TANC1: variants seen among roughly 807,000 people sequenced by gnomAD.
TANC1 encodes tetratricopeptide repeat, ankyrin repeat and coiled-coil containing 1, also known as protein TANC1.
In TANC1, 77 loss-of-function variants were observed where a neutral mutation model predicts 149.7. That is an observed-to-expected ratio of 0.51 (90% CI 0.43 to 0.62). TANC1 has a LOEUF of 0.62. TANC1 is among the 20% of genes least tolerant of loss of function. TANC1 has a pLI of 0.00. For synonymous variants in TANC1, 854 were observed against 925.0 expected, an observed-to-expected ratio of 0.92 and a Z score of 1.39; for missense variants, 1,985 against 2,321.8, an observed-to-expected ratio of 0.85 and a Z score of 2.98.
At chr2:159,136,172 A>G in intron 4 of TANC1, 22 bp from the exon 5 acceptor site, 1 of 1,444,358 alleles carries the variant, frequency 6.9e-7, no homozygotes, top group Non-Finnish European at 9.8e-7. Flanking sequence ...AATTAGCCAC[A>G]CTCAGATCTT....
chr2:159,230,815 G>A lies in TANC1; in HGVS notation c.5389G>A (p.Gly1797Arg), dbSNP rs1401249626. 1 of 1,614,184 alleles carries A rather than the reference G, an allele frequency of 6.2e-7. No homozygotes were observed. The highest frequency in any genetic ancestry group is 1.7e-5 in the Admixed American group (1 of 60,014). The change falls in exon 27 of 27, where the codon GGG becomes AGG. Residue 1797 changes from glycine (G) to arginine (R), a missense_variant. Gly to Arg is a moderately radical substitution (Grantham distance 125). Coordinates refer to ENST00000263635, the MANE Select transcript of TANC1 (RefSeq NM_033394.3). This position sits in a 1 kb window ranked among gnomAD's most constrained non-coding sequence, Gnocchi z 4.4. ...TACCCTGAGTGCAAGTGTCCACAAT[G>A]GGGCACAAGTGAAGGAGCTAGAAGA... ...VSTLSASVHNGAQVKELEESK... is the reference protein window; with the variant it reads ...VSTLSASVHNRAQVKELEESK...
At chr2:159,156,730 G>A (rs1441143793) in intron 7 of TANC1, among the ~76,000 whole-genome samples, 1 of 152,246 alleles carries the variant, frequency 6.6e-6, no homozygotes, top group Admixed American at 6.5e-5. Context: ...TAGACTGTGT[G>A]AGAAGCTCCA....
rs1055746307 is a variant in TANC1, at chr2:159,001,347, G to C, written c.-16+158G>C. ...CACTGGTGAGCCAGCGCCTCCAGGG[G>C]AGAGAAGCCCTGTCAAAAGCAGAGA... On this transcript the variant is annotated intron_variant, in intron 2 of 26. Transcript: ENST00000263635. The surrounding 1 kb of genome is among the most constrained non-coding windows in gnomAD (Gnocchi z 4.3). Among the ~76,000 whole-genome samples the C allele has an allele frequency of 1.3e-5, 2 of 152,176 alleles. No individual in the cohort carries two copies. The highest frequency in any genetic ancestry group is 2.9e-5 in the Non-Finnish European group (2 of 68,038).
intron 1 of TANC1, among the ~76,000 whole-genome samples, chr2:158,991,091 CAAAAA>C (rs34411224): frequency 7.1e-5 from 5 of 70,168 alleles, no homozygotes; most frequent in African/African-American, 3.0e-4. Flanking sequence ...GATCCTGTGT[CAAAAA>C]AAAAAAAAAA....
chr2:159,077,927 GA>G (rs1472477249), intron 3 of TANC1, among the ~76,000 whole-genome samples: 1 of 152,128 alleles, frequency 6.6e-6, no homozygotes, highest in Non-Finnish European at 1.5e-5. Context: ...TAATATAAGA[GA>G]ATACTTGTTT....
intron 4 of TANC1, among the ~76,000 whole-genome samples, chr2:159,104,981 CTTTT>C (rs146778655): frequency 4.5e-3 from 195 of 43,202 alleles, no homozygotes; most frequent in African/African-American, 9.8e-3. Context: ...TGGATATTTG[CTTTT>C]TTTTTTTTTT....
At chr2:159,120,254 A>G (rs1202401316) in intron 4 of TANC1, among the ~76,000 whole-genome samples, 2 of 152,178 alleles carry the variant, frequency 1.3e-5, no homozygotes, top group African/African-American at 4.8e-5. Flanking sequence ...AAGGTTCTAG[A>G]ATTCAGAGGG....
chr2:159,035,027 A>G (rs1200484178), intron 2 of TANC1, among the ~76,000 whole-genome samples: 2 of 152,222 alleles, frequency 1.3e-5, no homozygotes, highest in African/African-American at 4.8e-5. Context: ...CCATGAACAC[A>G]TACAGTAGCC....
At chr2:159,064,045 C>T (rs185336572) in intron 2 of TANC1, among the ~76,000 whole-genome samples, 203 of 152,252 alleles carry the variant, frequency 1.3e-3, no homozygotes, top group African/African-American at 4.4e-3. Flanking sequence ...CAGTATTTTT[C>T]TCTTATTTTT....
intron 2 of TANC1, among the ~76,000 whole-genome samples, chr2:159,039,249 T>C (rs895224920): frequency 2.0e-5 from 3 of 152,322 alleles, no homozygotes; most frequent in Non-Finnish European, 1.5e-5. Flanking sequence ...TCTTTATTAG[T>C]CTTGCTAGCG....
chr2:159,052,828 C>T (rs909265817), intron 2 of TANC1, among the ~76,000 whole-genome samples: 3 of 152,172 alleles, frequency 2.0e-5, no homozygotes, highest in African/African-American at 7.2e-5. Flanking sequence ...ACATTTATGC[C>T]CATCGCTGCT....
intron 2 of TANC1, chr2:159,003,888 TA>T: frequency 6.2e-7 from 1 of 1,612,696 alleles, no homozygotes; most frequent in Non-Finnish European, 8.5e-7. Flanking sequence ...CAGGTCCAGA[TA>T]GGGGGCAAGG....
intron 1 of TANC1, among the ~76,000 whole-genome samples, chr2:158,977,086 A>G (rs2033769268): frequency 6.6e-6 from 1 of 152,138 alleles, no homozygotes; most frequent in Non-Finnish European, 1.5e-5. Context: ...GTTAGTATAT[A>G]TGTTATAAAT....
intron 5 of TANC1, among the ~76,000 whole-genome samples, chr2:159,136,801 A>C (rs2050803121): frequency 6.6e-6 from 1 of 151,968 alleles, no homozygotes; most frequent in Non-Finnish European, 1.5e-5. Context: ...AAAAAAAAAA[A>C]AAAAAACCAA....
At chr2:159,091,370 AC>A (rs2045521072) in intron 3 of TANC1, among the ~76,000 whole-genome samples, 2 of 152,326 alleles carry the variant, frequency 1.3e-5, no homozygotes, top group Admixed American at 1.3e-4. Context: ...TGCACCCAGA[AC>A]CCTGTCCTGG....
rs2060285514 is a variant in TANC1, at chr2:159,230,573, A to G, written c.5147A>G (p.His1716Arg). The change falls in exon 27 of 27, where the codon CAC (histidine) becomes CGC (arginine). Residue 1716 changes from histidine (H) to arginine (R), a missense_variant. Physicochemically the swap from His to Arg is conservative, Grantham distance 29. Coordinates refer to ENST00000263635, the MANE Select transcript of TANC1 (RefSeq NM_033394.3). The surrounding 1 kb of genome is among the most constrained non-coding windows in gnomAD (Gnocchi z 4.4). The part of the protein sequence containing the change: ...VTHVQSGTAE[H>R]RPRNTPFMGI... ...CACGTTCAGAGCGGTACAGCTGAGC[A>G]CAGACCCCGCAACACGCCGTTCATG... is the stretch of plus-strand genomic sequence containing the variant. 3 of 1,614,096 alleles carry G rather than the reference A, an allele frequency of 1.9e-6. No homozygotes were observed. Among genetic ancestry groups the G allele is most frequent in the Non-Finnish European group, 1.7e-6 (2 of 1,180,042 alleles).
intron 1 of TANC1, among the ~76,000 whole-genome samples, chr2:158,974,119 A>T (rs1011140458): frequency 1.3e-5 from 2 of 152,104 alleles, no homozygotes; most frequent in Non-Finnish European, 2.9e-5. Context: ...TATGGCAGGG[A>T]TGGTCACCAT....
rs2038358137 is a variant in TANC1, at chr2:159,017,094, C to T, written c.-16+15905C>T. The stretch of plus-strand genomic sequence containing the variant: ...CACATTGTTTTTAAAGAGGCATAAA[C>T]TGCATACCTTGCCTATGATCTTTTC... On this transcript the variant is annotated intron_variant, in intron 2 of 26. Coordinates refer to ENST00000263635, the MANE Select transcript of TANC1 (RefSeq NM_033394.3). 2.0e-5 allele frequency among the ~76,000 whole-genome samples: 3 copies of T among 152,202 alleles called. No homozygotes were observed. In the South Asian group the frequency reaches 6.2e-4, roughly 32 times the overall value.
At chr2:159,214,351 A>C (rs2059210227) in intron 19 of TANC1, among the ~76,000 whole-genome samples, 1 of 152,218 alleles carries the variant, frequency 6.6e-6, no homozygotes, top group Admixed American at 6.5e-5. Context: ...GGATTTGCCA[A>C]GGTCATACAT....
Sources: gnomAD v4.1 joint callset for allele counts (sites outside exome capture counted in the v4.1 genomes callset) on GRCh38, gnomAD v4.1.1 for gene constraint, Gnocchi (gnomAD v3.1) non-coding constraint, MANE v1.5 for transcripts, NCBI Gene and HGNC (gene_info 2026-07-23, HGNC 2026-07-21) for gene names.